The following PTPRZ1 variants were observed in gnomAD, a reference collection of about 807,000 sequenced individuals.
PTPRZ1 encodes protein tyrosine phosphatase receptor type Z1, also known as receptor-type tyrosine-protein phosphatase zeta.
In PTPRZ1, 82 loss-of-function variants were observed where a neutral mutation model predicts 214.1. The observed-to-expected ratio is 0.38, with a 90% CI of 0.32 to 0.46. PTPRZ1 has a LOEUF of 0.46. PTPRZ1 is among the 20% of genes least tolerant of loss of function. The pLI is 1.00. For missense variants in PTPRZ1, 2,603 were observed against 2,748.7 expected, an observed-to-expected ratio of 0.95 and a Z score of 1.19; for synonymous variants, 945 against 987.9, an observed-to-expected ratio of 0.96 and a Z score of 0.81.
At chr7:121,965,766 T>C (rs1398760211) in intron 2 of PTPRZ1, among the ~76,000 whole-genome samples, 1 of 152,164 alleles carries the variant, frequency 6.6e-6, no homozygotes, top group Non-Finnish European at 1.5e-5. Flanking sequence ...ACATAGGTGG[T>C]ACTACTACAG....
At chr7:121,953,196 T>C (rs529550228) in intron 2 of PTPRZ1, among the ~76,000 whole-genome samples, 1 of 152,310 alleles carries the variant, frequency 6.6e-6, no homozygotes, top group South Asian at 2.1e-4. Flanking sequence ...GGTCTTTAAT[T>C]TGGGTATTAA....
intron 8 of PTPRZ1, among the ~76,000 whole-genome samples, chr7:121,992,170 G>C (rs527537424): frequency 2.6e-5 from 4 of 152,040 alleles, no homozygotes; most frequent in African/African-American, 9.7e-5. Context: ...CTGCCATTTC[G>C]TATCAATCCA....
At chr7:121,977,941 G>C (rs1797492676) in intron 6 of PTPRZ1, among the ~76,000 whole-genome samples, 1 of 152,094 alleles carries the variant, frequency 6.6e-6, no homozygotes, top group Admixed American at 6.5e-5. Flanking sequence ...CCAGCCTGTG[G>C]GGACAATGAA....
At chr7:121,940,138 A>T (rs1796200026) in intron 2 of PTPRZ1, among the ~76,000 whole-genome samples, 1 of 152,164 alleles carries the variant, frequency 6.6e-6, no homozygotes, top group South Asian at 2.1e-4. Context: ...TACCCTATTG[A>T]AAATTCTGGA....
chr7:121,892,552 A>C (rs1051450023), intron 1 of PTPRZ1, among the ~76,000 whole-genome samples: 1 of 151,212 alleles, frequency 6.6e-6, no homozygotes, highest in African/African-American at 2.4e-5. Context: ...AATATATTAA[A>C]ATTTATGTAT....
At chr7:121,966,286 A>T (rs1256741860) in intron 2 of PTPRZ1, among the ~76,000 whole-genome samples, 1 of 152,186 alleles carries the variant, frequency 6.6e-6, no homozygotes, top group Non-Finnish European at 1.5e-5. Flanking sequence ...AGTGTTATTG[A>T]AGATTTAAAA....
intron 2 of PTPRZ1, among the ~76,000 whole-genome samples, chr7:121,962,399 G>T (rs1796906779): frequency 6.6e-6 from 1 of 151,580 alleles, no homozygotes. Flanking sequence ...AGTGAGCAGA[G>T]ATTGCACCAC....
chr7:121,955,762 TTTC>T (rs1350707705), intron 2 of PTPRZ1, among the ~76,000 whole-genome samples: 1 of 152,182 alleles, frequency 6.6e-6, no homozygotes, highest in African/African-American at 2.4e-5. Flanking sequence ...TTCTGAGCCT[TTTC>T]TTTCTTCTGA....
At chr7:121,947,494 T>C (rs1321688613) in intron 2 of PTPRZ1, among the ~76,000 whole-genome samples, 1 of 152,180 alleles carries the variant, frequency 6.6e-6, no homozygotes, top group East Asian at 1.9e-4. Context: ...ATTATACTAG[T>C]TTCAACTATT....
intron 8 of PTPRZ1, among the ~76,000 whole-genome samples, chr7:121,986,368 A>G (rs910958805): frequency 6.6e-6 from 1 of 152,218 alleles, no homozygotes; most frequent in Non-Finnish European, 1.5e-5. Flanking sequence ...TGTCCACTGT[A>G]CTTGACATTT....
At chr7:122,056,948 T>C (rs1204964508) in intron 27 of PTPRZ1, among the ~76,000 whole-genome samples, 1 of 151,998 alleles carries the variant, frequency 6.6e-6, no homozygotes, top group African/African-American at 2.4e-5. Flanking sequence ...ATCTATGTAT[T>C]TGGGTATAGT....
chr7:121,948,252 T>G lies in PTPRZ1; in HGVS notation c.125-19699T>G, dbSNP rs989974212. The stretch of plus-strand genomic sequence containing the variant: ...GTACCTGCTCTAATTAAGCTTACAT[T>G]CTATTAGAAAGAAAAAGACCAAAAA... On this transcript the variant is annotated intron_variant, in intron 2 of 29. Coordinates refer to ENST00000393386, the MANE Select transcript of PTPRZ1 (RefSeq NM_002851.3). Among the ~76,000 whole-genome samples, 3 of 152,222 alleles carry G rather than the reference T, an allele frequency of 2.0e-5. No homozygotes were observed. The East Asian group carries it at 5.8e-4, about 29-fold the overall frequency.
intron 13 of PTPRZ1, among the ~76,000 whole-genome samples, chr7:122,027,203 G>T (rs752021378): frequency 2.6e-5 from 4 of 152,122 alleles, no homozygotes; most frequent in Non-Finnish European, 4.4e-5. Context: ...AAGCCAGGGG[G>T]AATGGCAAGA....
At chr7:121,897,198 G>A (rs576258942) in intron 1 of PTPRZ1, among the ~76,000 whole-genome samples, 96 of 152,220 alleles carry the variant, frequency 6.3e-4, no homozygotes, top group African/African-American at 2.2e-3. Context: ...AAAGTCATAA[G>A]TGGAAGGTAA....
At chr7:122,006,493 G>A (rs1269556357) in intron 11 of PTPRZ1, among the ~76,000 whole-genome samples, 1 of 152,052 alleles carries the variant, frequency 6.6e-6, no homozygotes, top group East Asian at 1.9e-4. Flanking sequence ...AGAACATGCA[G>A]TATTTATCTT....
chr7:122,047,041 G>A (rs868363907), intron 23 of PTPRZ1, among the ~76,000 whole-genome samples: 1 of 152,174 alleles, frequency 6.6e-6, no homozygotes, highest in Non-Finnish European at 1.5e-5. Context: ...CGGGACAGCG[G>A]AATATACTAG....
Position 122,042,743 on chromosome 7 carries a change from G to A in PTPRZ1, c.5937G>A (p.Glu1979=). ...AAAGAAATTATTTGGTACAAACTGAGGTATGATTTTTAAAAAGATGATTTT... is the reference window on the plus strand; with the variant it reads ...AAAGAAATTATTTGGTACAAACTGAAGTATGATTTTTAAAAAGATGATTTT... ...RSQRNYLVQT[E]EQYVFIHDTL... Residue 1979 remains glutamate (E), a splice_region_variant and synonymous_variant, in exon 22 of 30, where the codon GAG becomes GAA. Transcript: ENST00000393386. 6.2e-7 allele frequency: 1 copy of A among 1,608,906 alleles called. No homozygotes were observed.
At chr7:121,905,364 G>C (rs891156336) in intron 1 of PTPRZ1, among the ~76,000 whole-genome samples, 1 of 152,052 alleles carries the variant, frequency 6.6e-6, no homozygotes, top group Non-Finnish European at 1.5e-5. Flanking sequence ...GAGAAGAGTC[G>C]TGGACAAAGG....
chr7:122,003,606 T>C lies in PTPRZ1; in HGVS notation c.1241-1008T>C, dbSNP rs558556280. On this transcript the variant is annotated intron_variant, in intron 10 of 29. Coordinates refer to ENST00000393386, the MANE Select transcript of PTPRZ1 (RefSeq NM_002851.3). Reference sequence around the variant, plus strand: ...CTTTGAGGACATAAAACATAGAACATAAGCAGCATTAGGATAGTGCAGAGC... The same window carrying C: ...CTTTGAGGACATAAAACATAGAACACAAGCAGCATTAGGATAGTGCAGAGC... Among the ~76,000 whole-genome samples, 3 of 152,256 alleles carry C rather than the reference T, an allele frequency of 2.0e-5. No homozygotes were observed. In the East Asian group the frequency reaches 5.8e-4, roughly 29 times the overall value.
Sources: allele counts gnomAD v4.1 joint callset (sites outside exome capture counted in the v4.1 genomes callset), GRCh38; gene constraint gnomAD v4.1.1; transcripts MANE v1.5; gene names NCBI Gene and HGNC (gene_info 2026-07-23, HGNC 2026-07-21).